The following PCNX1 variants were observed in gnomAD, a reference collection of about 807,000 sequenced individuals.
The protein encoded by PCNX1 is pecanex 1, also known as pecanex-like protein 1.
PCNX1 carries 78 observed loss-of-function variants against 242.2 expected under a neutral mutation model. The ratio of observed to expected loss-of-function variants is 0.32; its 90% confidence interval spans 0.27 to 0.39. PCNX1 has a LOEUF of 0.39. Ranked by LOEUF, PCNX1 falls within the 10% of genes least tolerant of loss-of-function variation. The pLI, the probability that PCNX1 is intolerant of heterozygous loss-of-function variation, is 1.00. For missense variants in PCNX1, 2,581 were observed against 2,856.5 expected, an observed-to-expected ratio of 0.90 and a Z score of 2.20; for synonymous variants, 1,024 against 1,032.9, an observed-to-expected ratio of 0.99 and a Z score of 0.17.
At chr14:70,976,352 T>C (rs573289293) in intron 5 of PCNX1, among the ~76,000 whole-genome samples, 3 of 148,288 alleles carry the variant, frequency 2.0e-5, no homozygotes, top group Non-Finnish European at 4.4e-5. Context: ...AGTCCTTTGT[T>C]GCTCTTTCTT....
intron 8 of PCNX1, among the ~76,000 whole-genome samples, chr14:71,004,116 G>A (rs1372507579): frequency 6.6e-6 from 1 of 152,206 alleles, no homozygotes; most frequent in Non-Finnish European, 1.5e-5. Flanking sequence ...TTGTGTTTAT[G>A]TTCTGTATTG....
chr14:70,940,878 G>T (rs2057212022), intron 1 of PCNX1, among the ~76,000 whole-genome samples: 1 of 151,670 alleles, frequency 6.6e-6, no homozygotes, highest in South Asian at 2.1e-4. Flanking sequence ...TCATTCATTT[G>T]ATCAATCACT....
intron 1 of PCNX1, among the ~76,000 whole-genome samples, chr14:70,913,590 T>G (rs867939985): frequency 1.3e-5 from 2 of 152,206 alleles, no homozygotes; most frequent in Non-Finnish European, 1.5e-5. Flanking sequence ...GTTTCAACAT[T>G]TTCTTCCTAG....
intron 26 of PCNX1, among the ~76,000 whole-genome samples, chr14:71,061,457 G>A (rs967749826): frequency 3.9e-5 from 6 of 152,162 alleles, no homozygotes; most frequent in East Asian, 1.9e-4. Flanking sequence ...TCTTTATCCC[G>A]GTATCAAAGT....
At chr14:70,916,040 A>C (rs2056140970) in intron 1 of PCNX1, among the ~76,000 whole-genome samples, 1 of 152,190 alleles carries the variant, frequency 6.6e-6, no homozygotes, top group Non-Finnish European at 1.5e-5. Flanking sequence ...TAATCTCCTT[A>C]GAGGACAAAG....
At chr14:71,073,829 A>G in intron 27 of PCNX1, 31 bp downstream of exon 27, 2 of 1,504,772 alleles carry the variant, frequency 1.3e-6, no homozygotes, top group Non-Finnish European at 8.9e-7. Flanking sequence ...AGATCTTTAG[A>G]TAATCAGAGT....
chr14:71,092,239 G>A (rs905947038), intron 30 of PCNX1, among the ~76,000 whole-genome samples: 25 of 152,240 alleles, frequency 1.6e-4, no homozygotes, highest in African/African-American at 6.0e-4. Flanking sequence ...ACACCAGCAG[G>A]TGGAAAACCT....
At chr14:70,953,504 C>T (rs2057869766) in intron 2 of PCNX1, among the ~76,000 whole-genome samples, 1 of 150,356 alleles carries the variant, frequency 6.7e-6, no homozygotes, top group Admixed American at 6.6e-5. Flanking sequence ...CATGCTATTC[C>T]TTTATTAGTT....
intron 28 of PCNX1, among the ~76,000 whole-genome samples, chr14:71,088,075 T>C (rs1430849106): frequency 6.6e-6 from 1 of 152,142 alleles, no homozygotes; most frequent in Non-Finnish European, 1.5e-5. Flanking sequence ...AATCCTAATA[T>C]TTTATAATAG....
At chr14:71,070,589 T>C (rs139123457) in intron 26 of PCNX1, among the ~76,000 whole-genome samples, 190 of 152,300 alleles carry the variant, frequency 1.2e-3, no homozygotes, top group Admixed American at 2.3e-3. Context: ...GCATTGTCAA[T>C]GAGTAGTAAT....
intron 34 of PCNX1, 106 bp from the exon 35 acceptor site, chr14:71,109,346 A>T (rs1409227734): frequency 9.6e-7 from 1 of 1,046,802 alleles, no homozygotes; most frequent in Non-Finnish European, 1.4e-6. Flanking sequence ...CCATTATAGG[A>T]ATTTAAAAAG....
In PCNX1 at chr14:71,110,546, T is replaced by C. The variant is rs974389263; in HGVS notation, c.*611T>C. On this transcript the variant is annotated 3_prime_UTR_variant, in exon 36 of 36. Coordinates refer to ENST00000304743, the MANE Select transcript of PCNX1 (RefSeq NM_014982.3). ...TGAGATTTCTCAGAACATTTATTTATATATAAAAATAAAATACCATTATTT... is the reference window on the plus strand; with the variant it reads ...TGAGATTTCTCAGAACATTTATTTACATATAAAAATAAAATACCATTATTT... The C allele has an allele frequency of 6.5e-6, 1 of 152,898 alleles. No individual in the cohort carries two copies. Among genetic ancestry groups the C allele is most frequent in the Non-Finnish European group, 1.5e-5 (1 of 68,292 alleles). The allele number at this position is 152,898 out of a possible 1,614,324, so 9.5% of individuals were successfully genotyped here.
chr14:70,931,251 C>T (rs1594927096), intron 1 of PCNX1, among the ~76,000 whole-genome samples: 2 of 152,236 alleles, frequency 1.3e-5, no homozygotes, highest in East Asian at 1.9e-4. Context: ...GAGGTGTTCC[C>T]AACTCCCCAC....
chr14:71,074,253 TG>T (rs2061656256), intron 27 of PCNX1, among the ~76,000 whole-genome samples: 1 of 152,222 alleles, frequency 6.6e-6, no homozygotes, highest in South Asian at 2.1e-4. Context: ...ACCACTGCTT[TG>T]CACTGCTTTC....
At chr14:70,985,090 C>A (rs1340858449) in intron 6 of PCNX1, among the ~76,000 whole-genome samples, 1 of 152,064 alleles carries the variant, frequency 6.6e-6, no homozygotes, top group African/African-American at 2.4e-5. Context: ...TTTGGTTTGT[C>A]CATGAATTGA....
intron 1 of PCNX1, among the ~76,000 whole-genome samples, chr14:70,934,174 G>A (rs1341224962): frequency 6.6e-6 from 1 of 152,190 alleles, no homozygotes; most frequent in Non-Finnish European, 1.5e-5. Context: ...GCCAAGCGGC[G>A]TTTTCAAGAG....
Position 71,045,124 on chromosome 14 carries a change from T to TA in PCNX1, c.3868-9_3868-8insA, listed in dbSNP as rs777625343. 43 of 1,567,604 alleles carry TA rather than the reference T, an allele frequency of 2.7e-5. No homozygotes were observed. Among genetic ancestry groups the TA allele is most frequent in the Non-Finnish European group, 3.7e-5 (43 of 1,160,270 alleles). On this transcript the variant is annotated splice_polypyrimidine_tract_variant and intron_variant, in intron 19 of 35. Transcript: ENST00000304743. The stretch of plus-strand genomic sequence containing the variant: ...CTCCTAATTTTATCACTTCTATTAT[T>TA]TTTTTTAGCCTGCCCTCAAGTATGT...
intron 19 of PCNX1, among the ~76,000 whole-genome samples, chr14:71,041,085 C>T (rs994507056): frequency 1.4e-4 from 21 of 152,036 alleles, no homozygotes; most frequent in African/African-American, 3.4e-4. Context: ...TGTTGATGGA[C>T]GCTTAGGTTG....
chr14:71,016,719 A>G (rs2059970789), intron 11 of PCNX1, among the ~76,000 whole-genome samples: 1 of 152,204 alleles, frequency 6.6e-6, no homozygotes, highest in Non-Finnish European at 1.5e-5. Context: ...TGGGAATGCC[A>G]CTAACTTGCA....
Sources: allele counts gnomAD v4.1 joint callset (sites outside exome capture counted in the v4.1 genomes callset), GRCh38; gene constraint gnomAD v4.1.1; transcripts MANE v1.5; gene names NCBI Gene and HGNC (gene_info 2026-07-23, HGNC 2026-07-21).